The following NAA11 variants were observed in gnomAD, a reference collection of about 807,000 sequenced individuals.
NAA11 encodes the protein N-alpha-acetyltransferase 11, NatA catalytic subunit, also known as N-alpha-acetyltransferase 11.
NAA11 carries 15 observed loss-of-function variants against 16.1 expected under a neutral mutation model. The observed-to-expected ratio is 0.93, with a 90% CI of 0.62 to 1.44. The LOEUF is 1.44. NAA11 is among the 40% of genes most tolerant of loss of function. The probability of loss-of-function intolerance (pLI) is 0.00; values close to 1 mark genes in which losing one functional copy is unlikely to be tolerated. For synonymous variants in NAA11, 122 were observed against 112.4 expected, an observed-to-expected ratio of 1.09 and a Z score of -0.54; for missense variants, 298 against 291.3, an observed-to-expected ratio of 1.02 and a Z score of -0.17.
At chr4:79,268,115 T>C (rs993566557) in intron 2 of NAA11, among the ~76,000 whole-genome samples, 15 of 152,160 alleles carry the variant, frequency 9.9e-5, no homozygotes, top group African/African-American at 3.4e-4. Context: ...CTGTGGAGCA[T>C]TGATGAATCT....
the NAA11 span, among the ~76,000 whole-genome samples, chr4:79,185,018 A>G: frequency 1.3e-5 from 2 of 152,086 alleles, no homozygotes; most frequent in South Asian, 4.1e-4. Flanking sequence ...CATAAAATTT[A>G]TTTTTAGAGT....
intron 1 of NAA11, among the ~76,000 whole-genome samples, chr4:79,296,556 C>A (rs779914233): frequency 3.9e-5 from 6 of 152,188 alleles, no homozygotes; most frequent in Non-Finnish European, 8.8e-5. Flanking sequence ...TGGGAAAGAG[C>A]TCCTCATTAA....
intron 2 of NAA11, among the ~76,000 whole-genome samples, chr4:79,293,574 C>T (rs1444572126): frequency 1.3e-5 from 2 of 152,142 alleles, no homozygotes; most frequent in Non-Finnish European, 2.9e-5. Flanking sequence ...GCTTATATGG[C>T]AGAAGCATGG....
the NAA11 span, among the ~76,000 whole-genome samples, chr4:79,185,579 C>T: frequency 1.1e-4 from 16 of 152,130 alleles, no homozygotes; most frequent in Non-Finnish European, 1.8e-4. Context: ...TAATTCCACT[C>T]GTTTAAAAAA....
At chr4:79,197,978 G>C in the NAA11 span, among the ~76,000 whole-genome samples, 7 of 62,356 alleles carry the variant, frequency 1.1e-4, no homozygotes, top group East Asian at 2.5e-3. Flanking sequence ...ACTTTAAGCA[G>C]ATTTAAAGGT....
At chr4:79,247,480 G>A (rs1200633276) in intron 2 of NAA11, among the ~76,000 whole-genome samples, 1 of 152,052 alleles carries the variant, frequency 6.6e-6, no homozygotes, top group Non-Finnish European at 1.5e-5. Context: ...CACAATAACA[G>A]TTTTTATAGA....
chr4:79,229,883 T>C (rs1721415733), intron 2 of NAA11, among the ~76,000 whole-genome samples: 2 of 152,024 alleles, frequency 1.3e-5, no homozygotes, highest in Admixed American at 6.6e-5. Context: ...ACCATTATAC[T>C]ATTCTGCCAA....
intron 2 of NAA11, among the ~76,000 whole-genome samples, chr4:79,275,379 A>T (rs1052600898): frequency 6.6e-6 from 1 of 152,074 alleles, no homozygotes; most frequent in Non-Finnish European, 1.5e-5. Context: ...AGTGATGAAG[A>T]ACTGGAAAGA....
At chr4:79,200,219 C>T in the NAA11 span, among the ~76,000 whole-genome samples, 1 of 151,710 alleles carries the variant, frequency 6.6e-6, no homozygotes, top group Non-Finnish European at 1.5e-5. Flanking sequence ...ATTATAACTC[C>T]CTTATAGGAT....
the NAA11 span, among the ~76,000 whole-genome samples, chr4:79,163,142 G>A: frequency 6.6e-6 from 1 of 152,160 alleles, no homozygotes; most frequent in Non-Finnish European, 1.5e-5. Context: ...CAGGAGTGCT[G>A]TTCACACAGA....
At chr4:79,194,713 C>G in the NAA11 span, among the ~76,000 whole-genome samples, 1 of 152,070 alleles carries the variant, frequency 6.6e-6, no homozygotes, top group Non-Finnish European at 1.5e-5. Context: ...ACATACCTGT[C>G]AATCCAGGGG....
At chr4:79,258,104 C>G (rs1578166297) in intron 2 of NAA11, among the ~76,000 whole-genome samples, 1 of 152,262 alleles carries the variant, frequency 6.6e-6, no homozygotes, top group Non-Finnish European at 1.5e-5. Flanking sequence ...AAAGTGGGAG[C>G]CCTGTCCCTT....
chr4:79,224,109 A>G (rs1721259312), downstream of NAA11, among the ~76,000 whole-genome samples: 1 of 152,128 alleles, frequency 6.6e-6, no homozygotes, highest in South Asian at 2.1e-4. Flanking sequence ...TAGATCTGGA[A>G]GTCTAAGAAC....
intron 2 of NAA11, among the ~76,000 whole-genome samples, chr4:79,256,651 A>ATAT (rs1722113513): frequency 7.6e-6 from 1 of 130,762 alleles, no homozygotes; most frequent in African/African-American, 3.1e-5. Context: ...TATAAATATA[A>ATAT]ATATATATAT....
exon 3 of NAA11, chr4:79,226,178 G>A (rs11098595): frequency 0.71 from 107,573 of 151,890 alleles, 40,384 homozygotes; most frequent in East Asian, 0.89. Context: ...AAGCAGCTCT[G>A]CTCCATGAGA....
intron 2 of NAA11, among the ~76,000 whole-genome samples, chr4:79,267,695 C>T (rs1456429915): frequency 6.6e-6 from 1 of 152,152 alleles, no homozygotes; most frequent in South Asian, 2.1e-4. Flanking sequence ...TTTCAGTTCC[C>T]ATAGTTGTTG....
chr4:79,180,800 A>G, the NAA11 span, among the ~76,000 whole-genome samples: 1 of 152,182 alleles, frequency 6.6e-6, no homozygotes, highest in African/African-American at 2.4e-5. Context: ...CTGCGGCACT[A>G]TTCACAACAG....
chr4:79,189,162 A>AAAAAAAAAAAAAAAAAAAAAAAT, the NAA11 span, among the ~76,000 whole-genome samples: 1 of 148,710 alleles, frequency 6.7e-6, no homozygotes, highest in Non-Finnish European at 1.5e-5. Context: ...AAAAAAAAAA[A>AAAAAAAAAAAAAAAAAAAAAAAT]AACTTATGAA....
At chr4:79,161,854 T>C in the NAA11 span, among the ~76,000 whole-genome samples, 2 of 152,114 alleles carry the variant, frequency 1.3e-5, no homozygotes, top group Non-Finnish European at 2.9e-5. Flanking sequence ...GGCTAATTTT[T>C]CTATTTTTAG....
Sources: gnomAD v4.1 joint callset for allele counts (sites outside exome capture counted in the v4.1 genomes callset) on GRCh38, gnomAD v4.1.1 for gene constraint, MANE v1.5 for transcripts, NCBI Gene and HGNC (gene_info 2026-07-23, HGNC 2026-07-21) for gene names.